AGBL4: variants seen among roughly 807,000 people sequenced by gnomAD.
AGBL4 encodes the protein AGBL carboxypeptidase 4.
Under a neutral mutation model 66.4 loss-of-function variants are expected in AGBL4, and 58 were observed. The observed-to-expected ratio is 0.87, with a 90% CI of 0.71 to 1.09. AGBL4 has a LOEUF of 1.09. AGBL4 is among the 50% of genes least tolerant of loss of function. The pLI, the probability that AGBL4 is intolerant of heterozygous loss-of-function variation, is 0.00. For missense variants in AGBL4, 579 were observed against 631.0 expected (o/e 0.92, Z 0.88); for synonymous variants, 234 against 222.9 (o/e 1.05, Z -0.44).
intron 5 of AGBL4, among the ~76,000 whole-genome samples, chr1:49,012,075 C>G (rs1374632662): frequency 6.6e-6 from 1 of 151,558 alleles, no homozygotes; most frequent in African/African-American, 2.4e-5. Flanking sequence ...AGGAACTCCC[C>G]CACCCCCTCC....
At chr1:48,687,197 C>A (rs1050473046) in intron 6 of AGBL4, among the ~76,000 whole-genome samples, 2 of 151,982 alleles carry the variant, frequency 1.3e-5, no homozygotes, top group East Asian at 3.9e-4. Context: ...GAGACAGCGC[C>A]GCAGGCACAC....
At chr1:49,676,618 A>G (rs764770600) in intron 3 of AGBL4, among the ~76,000 whole-genome samples, 1 of 152,114 alleles carries the variant, frequency 6.6e-6, no homozygotes, top group Non-Finnish European at 1.5e-5. Flanking sequence ...ACTGACTACC[A>G]TTAAGAATTC....
At chr1:48,987,302 A>G (rs992777861) in intron 5 of AGBL4, among the ~76,000 whole-genome samples, 21 of 151,988 alleles carry the variant, frequency 1.4e-4, no homozygotes, top group African/African-American at 4.8e-4. Context: ...AAAGACATAA[A>G]TAGATTAAAA....
At chr1:49,533,144 A>T (rs1156970736) in intron 3 of AGBL4, among the ~76,000 whole-genome samples, 1 of 151,880 alleles carries the variant, frequency 6.6e-6, no homozygotes, top group Non-Finnish European at 1.5e-5. Context: ...CCAGTGCTTC[A>T]CTTCCCTTCT....
At chr1:49,544,494 T>A (rs555947236) in intron 3 of AGBL4, among the ~76,000 whole-genome samples, 1 of 152,326 alleles carries the variant, frequency 6.6e-6, no homozygotes, top group Admixed American at 6.5e-5. Context: ...GGTATGTATA[T>A]TCAGATATAA....
intron 5 of AGBL4, among the ~76,000 whole-genome samples, chr1:48,934,539 A>C (rs1208626516): frequency 3.9e-5 from 6 of 152,122 alleles, no homozygotes; most frequent in African/African-American, 1.4e-4. Context: ...GCTAGACATC[A>C]CCACCCAGAT....
intron 3 of AGBL4, among the ~76,000 whole-genome samples, chr1:49,267,686 A>G (rs1643955376): frequency 6.6e-6 from 1 of 152,118 alleles, no homozygotes; most frequent in South Asian, 2.1e-4. Context: ...TCCCAAAAAA[A>G]AAAGACATAC....
chr1:48,664,959 A>C lies in AGBL4; in HGVS notation c.635-1718T>G, dbSNP rs953518172. 2.6e-5 allele frequency among the ~76,000 whole-genome samples: 4 copies of C among 152,250 alleles called. No homozygotes were observed. The East Asian group carries it at 5.8e-4, about 22-fold the overall frequency. On this transcript the variant is annotated intron_variant, in intron 6 of 13. Coordinates refer to ENST00000371839, the MANE Select transcript of AGBL4 (RefSeq NM_032785.4). ...GGAGAGAATAGAAATAATTAATAGG[A>C]TTTCTCCTTCTGAAATGCTGGAGAC... is the stretch of plus-strand genomic sequence containing the variant.
At chr1:49,476,270 T>C (rs1042854168) in intron 3 of AGBL4, among the ~76,000 whole-genome samples, 23 of 152,090 alleles carry the variant, frequency 1.5e-4, no homozygotes, top group Non-Finnish European at 3.4e-4. Context: ...TATTCCATTG[T>C]ATGCTTAGTA....
At chr1:49,265,075 C>T (rs1027281923) in intron 3 of AGBL4, among the ~76,000 whole-genome samples, 1 of 150,912 alleles carries the variant, frequency 6.6e-6, no homozygotes, top group Admixed American at 6.6e-5. Flanking sequence ...CATGTTTTTC[C>T]TTCTTTATTT....
intron 5 of AGBL4, among the ~76,000 whole-genome samples, chr1:48,961,590 C>G (rs564640482): frequency 2.6e-5 from 4 of 152,140 alleles, no homozygotes; most frequent in Non-Finnish European, 5.9e-5. Context: ...GAGAAAAGAG[C>G]AACCAAGGGA....
chr1:48,651,962 A>T (rs1438165221), intron 8 of AGBL4, among the ~76,000 whole-genome samples: 2 of 152,244 alleles, frequency 1.3e-5, no homozygotes, highest in East Asian at 3.8e-4. Flanking sequence ...CATGAGGGAC[A>T]CAAAGGCCAT....
chr1:48,969,701 T>C lies in AGBL4; in HGVS notation c.594+75883A>G, dbSNP rs1658751843. Among the ~76,000 whole-genome samples, 4 of 152,042 alleles carry C rather than the reference T, an allele frequency of 2.6e-5. No individual in the cohort carries two copies. In the South Asian group the frequency reaches 8.3e-4, roughly 32 times the overall value. ...TGGGACATGAGGTGCCCCAAACATA[T>C]AAATGTAATAGATTTCATCATTAGC... is the stretch of plus-strand genomic sequence containing the variant. On this transcript the variant is annotated intron_variant, in intron 5 of 13. Coordinates refer to ENST00000371839, the MANE Select transcript of AGBL4 (RefSeq NM_032785.4).
chr1:48,764,492 G>A (rs1311855941), intron 6 of AGBL4, among the ~76,000 whole-genome samples: 1 of 152,120 alleles, frequency 6.6e-6, no homozygotes, highest in Non-Finnish European at 1.5e-5. Context: ...GGGAAGGGGG[G>A]GAAATATTTG....
rs761568783 is a variant in AGBL4 at position 49,185,306 on chromosome 1, G to A, written c.377+60464C>T. ...ATGGCAGAAATGCCTTGCCAGAGAC[G>A]TTATAAACAGGCCAGCTACAAGCAA... On this transcript the variant is annotated intron_variant, in intron 4 of 13. Transcript: ENST00000371839. Among the ~76,000 whole-genome samples the A allele has an allele frequency of 2.2e-4, 34 of 152,298 alleles. 1 individual carries two copies. Among genetic ancestry groups the A allele is most frequent in the Middle Eastern group, 6.8e-3 (2 of 294 alleles).
intron 5 of AGBL4, among the ~76,000 whole-genome samples, chr1:48,997,983 G>A (rs1661139014): frequency 2.0e-5 from 3 of 152,174 alleles, no homozygotes; most frequent in Admixed American, 2.0e-4. Context: ...TTTTTAAGAT[G>A]ATGGTGAATA....
rs1422778085 is a variant in AGBL4, at chr1:48,880,002, T to TGGTA, written c.595-12776_595-12773dup. Among the ~76,000 whole-genome samples the TGGTA allele has an allele frequency of 4.6e-5, 7 of 152,292 alleles. No homozygotes were observed. In the South Asian group the frequency reaches 1.5e-3, roughly 32 times the overall value. On this transcript the variant is annotated intron_variant, in intron 5 of 13. Coordinates refer to ENST00000371839, the MANE Select transcript of AGBL4 (RefSeq NM_032785.4). The stretch of plus-strand genomic sequence containing the variant: ...GTTCATAGGTTATTGGGGGAACAGG[T>TGGTA]GGTATTTGGTTACATGAGTAAGTTC...
At chr1:49,638,048 G>A (rs1011899348) in intron 3 of AGBL4, among the ~76,000 whole-genome samples, 6 of 152,124 alleles carry the variant, frequency 3.9e-5, no homozygotes, top group African/African-American at 1.2e-4. Flanking sequence ...AGGCAAGACA[G>A]GCACTTTCAT....
chr1:49,569,852 T>C (rs11580611), intron 3 of AGBL4, among the ~76,000 whole-genome samples: 1 of 152,320 alleles, frequency 6.6e-6, no homozygotes, highest in African/African-American at 2.4e-5. Flanking sequence ...CTTTGTGTGT[T>C]CACTTATTTC....
Sources: allele counts gnomAD v4.1 joint callset (sites outside exome capture counted in the v4.1 genomes callset), GRCh38; gene constraint gnomAD v4.1.1; transcripts MANE v1.5; gene names NCBI Gene and HGNC (gene_info 2026-07-23, HGNC 2026-07-21).